TRANK1: variants seen among roughly 807,000 people sequenced by gnomAD.
TRANK1 encodes tetratricopeptide repeat and ankyrin repeat containing 1.
Under a neutral mutation model 266.0 loss-of-function variants are expected in TRANK1, and 198 were observed. The observed-to-expected ratio is 0.74, with a 90% confidence interval of 0.66 to 0.84. The LOEUF (loss-of-function observed/expected upper bound fraction) is 0.84, where lower values mean the gene tolerates loss of function less well. Ranked by LOEUF, TRANK1 falls within the 40% of genes least tolerant of loss-of-function variation. The pLI, the probability that TRANK1 is intolerant of heterozygous loss-of-function variation, is 0.00. For missense variants in TRANK1, 3,326 were observed against 3,634.6 expected (o/e 0.92, Z 2.18); for synonymous variants, 1,396 against 1,384.1 (o/e 1.01, Z -0.19).
intron 9 of TRANK1, among the ~76,000 whole-genome samples, chr3:36,870,552 C>T (rs2079292913): frequency 6.6e-6 from 1 of 152,116 alleles, no homozygotes; most frequent in Non-Finnish European, 1.5e-5. Flanking sequence ...ACTCATGTTT[C>T]TCTATAGTCT....
intron 9 of TRANK1, among the ~76,000 whole-genome samples, chr3:36,867,741 G>C (rs1277093436): frequency 6.6e-6 from 1 of 152,130 alleles, no homozygotes; most frequent in Non-Finnish European, 1.5e-5. Flanking sequence ...CAATAAATTT[G>C]CTTTTATATA....
chr3:36,926,869 A>G (rs551661366), intron 1 of TRANK1, among the ~76,000 whole-genome samples: 3 of 152,162 alleles, frequency 2.0e-5, no homozygotes, highest in Non-Finnish European at 4.4e-5. Context: ...CTGTTCCTCA[A>G]TTTTCCCTTA....
chr3:36,929,928 C>A (rs1049210902), intron 1 of TRANK1, among the ~76,000 whole-genome samples: 1 of 113,954 alleles, frequency 8.8e-6, no homozygotes, highest in Non-Finnish European at 2.0e-5. Flanking sequence ...TGTTTTGAGA[C>A]GGAGTTTCAC....
At chr3:36,936,387 A>G (rs1357194856) in intron 1 of TRANK1, among the ~76,000 whole-genome samples, 3 of 151,832 alleles carry the variant, frequency 2.0e-5, no homozygotes, top group Admixed American at 2.0e-4. Context: ...CAAGAGGCTT[A>G]GGTGAGAGGA....
At position 36,889,858 on chromosome 3, in the gene TRANK1, G is replaced by C; in HGVS notation, c.878C>G (p.Ala293Gly). 6.5e-7 allele frequency: 1 copy of C among 1,537,184 alleles called. No homozygotes were observed. The highest frequency in any genetic ancestry group is 8.7e-7 in the Non-Finnish European group (1 of 1,146,864). ...GDGCTVLHVVAAHSPGYLVKR... is the reference protein window; with the variant it reads ...GDGCTVLHVVGAHSPGYLVKR... ...AACGAGGTATCCTGGGGAGTGGGCA[G>C]CGACGACGTGCAGGACAGTGCAGCC... Residue 293 changes from alanine to glycine, a missense_variant, in exon 8 of 24, where the codon GCT becomes GGT. By Grantham distance (60) the Ala-to-Gly change is moderately conservative (BLOSUM62 0). Transcript: ENST00000645898.
At chr3:36,855,079 TA>T in intron 13 of TRANK1, 93 bp downstream of exon 13, 1 of 1,162,414 alleles carries the variant, frequency 8.6e-7, no homozygotes, top group Non-Finnish European at 1.2e-6. Flanking sequence ...ACTTCAGCTG[TA>T]AAAACCTAAC....
intron 1 of TRANK1, among the ~76,000 whole-genome samples, chr3:36,928,463 T>C (rs577417871): frequency 6.6e-6 from 1 of 152,326 alleles, no homozygotes; most frequent in South Asian, 2.1e-4. Context: ...CTTCAAAAGA[T>C]GCTTTTCATT....
At chr3:36,914,902 T>C (rs1194953399) in intron 1 of TRANK1, among the ~76,000 whole-genome samples, 1 of 152,042 alleles carries the variant, frequency 6.6e-6, no homozygotes, top group Admixed American at 6.6e-5. Context: ...CCTCCCAAAA[T>C]GCTGGGATTA....
intron 5 of TRANK1, among the ~76,000 whole-genome samples, chr3:36,895,129 A>G (rs1441584842): frequency 2.0e-5 from 3 of 152,210 alleles, no homozygotes; most frequent in African/African-American, 7.2e-5. Context: ...ATTCTGATTC[A>G]AGGACACATC....
At chr3:36,912,536 T>C (rs1010937157) in intron 1 of TRANK1, among the ~76,000 whole-genome samples, 17 of 152,222 alleles carry the variant, frequency 1.1e-4, no homozygotes, top group African/African-American at 4.1e-4. Context: ...AAATTTTCAC[T>C]ATGTCTCTAT....
intron 9 of TRANK1, among the ~76,000 whole-genome samples, chr3:36,867,653 A>G (rs1201659156): frequency 6.6e-6 from 1 of 152,270 alleles, no homozygotes; most frequent in Non-Finnish European, 1.5e-5. Context: ...ATGCATTATA[A>G]TCAAGAGTTT....
chr3:36,856,565 G>A lies in TRANK1; in HGVS notation c.3157C>T (p.Arg1053Trp), dbSNP rs756428934. 27 of 1,613,864 alleles carry A rather than the reference G, an allele frequency of 1.7e-5. No individual in the cohort carries two copies. The highest frequency in any genetic ancestry group is 5.5e-5 in the South Asian group (5 of 91,072). ...ACCGCGTACTCAAGCTCACCCACCC[G>A]GAAGGGGTACTCCACTGTGGCTGTC... ...DTTATVEYPF[R>W]VGELEYAVID... The change falls in exon 13 of 24, where the codon CGG becomes TGG. Residue 1053 changes from arginine (R) to tryptophan (W), a missense_variant. By Grantham distance (101) the Arg-to-Trp change is moderately radical. Transcript: ENST00000645898.
intron 1 of TRANK1, among the ~76,000 whole-genome samples, chr3:36,935,841 C>A (rs1164172740): frequency 6.6e-6 from 1 of 152,168 alleles, no homozygotes; most frequent in African/African-American, 2.4e-5. Flanking sequence ...ATAAATGATT[C>A]TCTGGCCACT....
At chr3:36,944,574 C>A (rs2080545070) in intron 1 of TRANK1, among the ~76,000 whole-genome samples, 1 of 152,124 alleles carries the variant, frequency 6.6e-6, no homozygotes, top group Non-Finnish European at 1.5e-5. Flanking sequence ...TCCCTCCGGA[C>A]CGAAAAGGCC....
At chr3:36,887,199 A>T (rs1161203715) in intron 8 of TRANK1, among the ~76,000 whole-genome samples, 1 of 152,206 alleles carries the variant, frequency 6.6e-6, no homozygotes, top group Non-Finnish European at 1.5e-5. Context: ...CACATTCTTT[A>T]ACCATAAATT....
At chr3:36,870,220 C>T (rs1265932535) in intron 9 of TRANK1, among the ~76,000 whole-genome samples, 3 of 152,120 alleles carry the variant, frequency 2.0e-5, no homozygotes, top group Non-Finnish European at 4.4e-5. Context: ...CCAGTCTGAC[C>T]AACAGAGTGA....
At position 36,831,396 on chromosome 3, in the gene TRANK1, C is replaced by T. The variant is rs778715129; in HGVS notation, c.8187G>A (p.Val2729=). The change falls in exon 22 of 24, where the codon GTG becomes GTA. Residue 2729 remains valine, a synonymous_variant. Coordinates refer to ENST00000645898, the MANE Select transcript of TRANK1 (RefSeq NM_001329998.2). The surrounding 1 kb of genome is among the most constrained non-coding windows in gnomAD (Gnocchi z 5.0). ...IQRKLRRACL[V]VSLCISWRRR... ...TCCTCCAACTGATGCACAGAGACAC[C>T]ACCAGGCATGCCCTCCTCAACTTCC... 3.7e-6 allele frequency: 6 copies of T among 1,612,988 alleles called. No individual in the cohort carries two copies. In the Admixed American group the frequency reaches 5.0e-5, roughly 13 times the overall value.
chr3:36,935,868 C>A (rs562345905), intron 1 of TRANK1, among the ~76,000 whole-genome samples: 2 of 152,232 alleles, frequency 1.3e-5, no homozygotes, highest in African/African-American at 4.8e-5. Context: ...TTATCAGAGG[C>A]AGATGATTAA....
intron 20 of TRANK1, among the ~76,000 whole-genome samples, chr3:36,836,683 G>T (rs1376116475): frequency 6.6e-6 from 1 of 152,136 alleles, no homozygotes; most frequent in African/African-American, 2.4e-5. Flanking sequence ...GAACAGAAGA[G>T]TCTACGAGAC....
Sources: allele counts gnomAD v4.1 joint callset (sites outside exome capture counted in the v4.1 genomes callset), GRCh38; gene constraint gnomAD v4.1.1; non-coding constraint Gnocchi (gnomAD v3.1); transcripts MANE v1.5; gene names NCBI Gene and HGNC (gene_info 2026-07-23, HGNC 2026-07-21).